The following PYGB variants were observed in gnomAD, a reference collection of about 807,000 sequenced individuals.
PYGB encodes glycogen phosphorylase B.
In PYGB, 82 loss-of-function variants were observed where a neutral mutation model predicts 94.3. That is an observed-to-expected ratio of 0.87 (90% CI 0.73 to 1.04). PYGB has a LOEUF of 1.04. PYGB is among the 50% of genes least tolerant of loss of function. The pLI is 0.00. For missense variants in PYGB, 1,132 were observed against 1,158.2 expected, an observed-to-expected ratio of 0.98 and a Z score of 0.33; for synonymous variants, 488 against 479.1, an observed-to-expected ratio of 1.02 and a Z score of -0.24.
chr20:25,279,013 C>A, intron 8 of PYGB, 44 bp from the exon 9 acceptor site: 1 of 1,569,478 alleles, frequency 6.4e-7, no homozygotes, highest in Non-Finnish European at 8.7e-7. Flanking sequence ...TGGGTGCCCA[C>A]GTGGGATGAA....
intron 4 of PYGB, among the ~76,000 whole-genome samples, chr20:25,273,612 T>G (rs1007002912): frequency 6.6e-6 from 1 of 152,202 alleles, no homozygotes; most frequent in Middle Eastern, 3.2e-3. Flanking sequence ...CCCCTAGTGC[T>G]TCTGTGCAAG....
intron 2 of PYGB, among the ~76,000 whole-genome samples, chr20:25,268,166 C>CG (rs1555806034): frequency 3.8e-4 from 32 of 83,342 alleles, no homozygotes; most frequent in Middle Eastern, 0.012. Flanking sequence ...CACCCGCCCC[C>CG]CCCCCATATC....
In PYGB at chr20:25,248,108, G is replaced by A. The variant is rs200896907; in HGVS notation, c.-71G>A. ...CCAGAGCAGCGGCGCCAGAGCAGCT[G>A]CACCATCCCGGCGTTCGCGTGTGCC... On this transcript the variant is annotated 5_prime_UTR_variant, in exon 1 of 20. Coordinates refer to ENST00000216962, the MANE Select transcript of PYGB (RefSeq NM_002862.4). 48 of 1,475,524 alleles carry A rather than the reference G, an allele frequency of 3.3e-5. No individual in the cohort carries two copies. The highest frequency in any genetic ancestry group is 4.1e-5 in the Non-Finnish European group (46 of 1,115,636). 91.4% of individuals were successfully genotyped at this position (1,475,524 alleles called of 1,614,324 possible).
chr20:25,296,170 T>C (rs1423416939), intron 19 of PYGB, among the ~76,000 whole-genome samples, 200 bp from the exon 20 acceptor site: 1 of 152,138 alleles, frequency 6.6e-6, no homozygotes, highest in African/African-American at 2.4e-5. Flanking sequence ...CCTTGCTCCC[T>C]AGATCTAGAA....
intron 13 of PYGB, 94 bp from the exon 14 acceptor site, chr20:25,284,010 C>T: frequency 6.8e-7 from 1 of 1,472,492 alleles, no homozygotes; most frequent in East Asian, 2.3e-5. Context: ...CTCCCTGCGG[C>T]ACTCTTCACA....
Position 25,284,342 on chromosome 20 carries a change from T to C in PYGB, c.1768+91T>C, listed in dbSNP as rs368193595. 6.0e-6 allele frequency: 9 copies of C among 1,499,882 alleles called. No individual in the cohort carries two copies. The African/African-American group carries it at 1.1e-4, about 19-fold the overall frequency. The allele number at this position is 1,499,882 out of a possible 1,614,324, so 92.9% of individuals were successfully genotyped here. On this transcript the variant is annotated intron_variant, in intron 14 of 19. Transcript: ENST00000216962. ...GTGCACAGACCCTGGGCCTCTGTCATGGTGGGGGCTGTGTGTGTATAGGCG... is the reference window on the plus strand; with the variant it reads ...GTGCACAGACCCTGGGCCTCTGTCACGGTGGGGGCTGTGTGTGTATAGGCG...
At position 25,292,598 on chromosome 20, in the gene PYGB, C is replaced by T. The variant is rs762220823; in HGVS notation, c.2162C>T (p.Ala721Val). The change falls in exon 17 of 20, where the codon GCC (alanine) becomes GTC (valine). Residue 721 changes from alanine to valine, a missense_variant. By Grantham distance (64) the Ala-to-Val change is moderately conservative. Transcript: ENST00000216962. ...IFGLRVEDVEALDRKGYNARE... is the reference protein window; with the variant it reads ...IFGLRVEDVEVLDRKGYNARE... ...GGCCTGCGGGTGGAGGATGTCGAGGCCTTGGACCGGAAAGGGTGCGAGCCT... is the reference window on the plus strand; with the variant it reads ...GGCCTGCGGGTGGAGGATGTCGAGGTCTTGGACCGGAAAGGGTGCGAGCCT... 2 of 1,611,864 alleles carry T rather than the reference C, an allele frequency of 1.2e-6. No homozygotes were observed. Among genetic ancestry groups the T allele is most frequent in the African/African-American group, 1.3e-5 (1 of 74,938 alleles).
intron 2 of PYGB, among the ~76,000 whole-genome samples, chr20:25,267,270 A>AT (rs1423714368): frequency 6.6e-6 from 1 of 152,200 alleles, no homozygotes; most frequent in South Asian, 2.1e-4. Flanking sequence ...TGGAGAGTAG[A>AT]TCAGTGATTG....
Position 25,275,799 on chromosome 20 carries a change from G to A in PYGB, c.661-847G>A, listed in dbSNP as rs538624203. 3.9e-5 allele frequency among the ~76,000 whole-genome samples: 6 copies of A among 152,270 alleles called. No individual in the cohort carries two copies. In the South Asian group the frequency reaches 6.2e-4, roughly 16 times the overall value. On this transcript the variant is annotated intron_variant, in intron 5 of 19. Transcript: ENST00000216962. ...TAGAATGCCTTGGCGGGGACTTGTC[G>A]CTCACTTGGGTGTCGCCTTGTGGGG...
intron 14 of PYGB, chr20:25,288,223 C>G (rs571612061): frequency 3.0e-4 from 214 of 709,748 alleles, no homozygotes; most frequent in Middle Eastern, 1.2e-3. Flanking sequence ...GCCTCACTCC[C>G]TTGTAAGTGG....
chr20:25,277,205 G>A, intron 6 of PYGB, 39 bp from the exon 7 acceptor site: 3 of 1,486,028 alleles, frequency 2.0e-6, no homozygotes, highest in South Asian at 1.1e-5. Flanking sequence ...CTGGTGCCAG[G>A]AGGCATGTGT....
At chr20:25,284,042 G>C in intron 13 of PYGB, 62 bp from the exon 14 acceptor site, 2 of 1,584,476 alleles carry the variant, frequency 1.3e-6, no homozygotes, top group Non-Finnish European at 1.7e-6. Context: ...GCAGGAAGCC[G>C]CAGGGTCAGT....
chr20:25,252,984 A>C (rs2092892478), intron 1 of PYGB, among the ~76,000 whole-genome samples: 1 of 152,228 alleles, frequency 6.6e-6, no homozygotes, highest in African/African-American at 2.4e-5. Context: ...TGACCACATC[A>C]GGCGTGGTTG....
chr20:25,294,329 AGGG>A, intron 18 of PYGB, 37 bp downstream of exon 18: 2 of 316,886 alleles, frequency 6.3e-6, no homozygotes, highest in Non-Finnish European at 6.2e-6. Context: ...GCTGGGAGGG[AGGG>A]AGGGAGGGAG....
chr20:25,284,704 G>T (rs1448228031), intron 14 of PYGB, among the ~76,000 whole-genome samples: 1 of 152,216 alleles, frequency 6.6e-6, no homozygotes, highest in African/African-American at 2.4e-5. Flanking sequence ...GGGGTTATAG[G>T]CATGAGCCAC....
At chr20:25,248,498 C>T (rs2092877589) in intron 1 of PYGB, 77 bp downstream of exon 1, 5 of 1,270,976 alleles carry the variant, frequency 3.9e-6, no homozygotes, top group Non-Finnish European at 5.0e-6. Context: ...GCGGGGGTCT[C>T]TGCGGGGCGG....
chr20:25,265,539 T>C (rs991880132), intron 2 of PYGB, among the ~76,000 whole-genome samples: 1 of 152,220 alleles, frequency 6.6e-6, no homozygotes, highest in African/African-American at 2.4e-5. Context: ...AAGAAAAGCC[T>C]ATTCAATTCA....
In PYGB at chr20:25,248,274, C is replaced by T. The variant is rs1299758470; in HGVS notation, c.96C>T (p.Phe32=). ...ACGTGGCCGAGGTGCGGAAGAGCTTCAACCGGCACTTGCACTTCACGCTGG... is the reference window on the plus strand; with the variant it reads ...ACGTGGCCGAGGTGCGGAAGAGCTTTAACCGGCACTTGCACTTCACGCTGG... ...LGDVAEVRKS[F]NRHLHFTLVK... is the part of the protein sequence containing the mutation. Residue 32 remains phenylalanine (F), a synonymous_variant, in exon 1 of 20, where the codon TTC becomes TTT. Transcript: ENST00000216962. The T allele has an allele frequency of 6.2e-7, 1 of 1,602,966 alleles. No individual in the cohort carries two copies. The highest frequency in any genetic ancestry group is 1.4e-5 in the African/African-American group (1 of 73,968).
intron 3 of PYGB, 149 bp from the exon 4 acceptor site, chr20:25,271,234 G>T (rs1326317930): frequency 2.9e-6 from 2 of 681,612 alleles, no homozygotes; most frequent in African/African-American, 3.6e-5. Flanking sequence ...CTCTCATGGA[G>T]AGGCTGAGGG....
Sources: gnomAD v4.1 joint callset for allele counts (sites outside exome capture counted in the v4.1 genomes callset) on GRCh38, gnomAD v4.1.1 for gene constraint, MANE v1.5 for transcripts, NCBI Gene and HGNC (gene_info 2026-07-23, HGNC 2026-07-21) for gene names.